Variants in ABHD6 observed in about 807,000 individuals in gnomAD.
ABHD6 encodes the protein monoacylglycerol lipase ABHD6.
Under a neutral mutation model 38.8 loss-of-function variants are expected in ABHD6, and 33 were observed. The ratio of observed to expected loss-of-function variants is 0.85; its 90% CI spans 0.64 to 1.14. ABHD6 has a LOEUF of 1.14. Ranked by LOEUF, ABHD6 falls within the 50% of genes most tolerant of loss-of-function variation. The probability of loss-of-function intolerance (pLI) is 0.00; values close to 1 mark genes in which losing one functional copy is unlikely to be tolerated. For missense variants in ABHD6, 380 were observed against 422.6 expected, an observed-to-expected ratio of 0.90 and a Z score of 0.88; for synonymous variants, 147 against 161.6, an observed-to-expected ratio of 0.91 and a Z score of 0.69.
At chr3:58,260,633 C>T (rs779675992) in intron 3 of ABHD6, among the ~76,000 whole-genome samples, 21 of 152,140 alleles carry the variant, frequency 1.4e-4, no homozygotes, top group Non-Finnish European at 2.2e-4. Context: ...CTCCAAAGGC[C>T]TTCATTTGCT....
At chr3:58,286,915 G>C in intron 9 of ABHD6, among the ~76,000 whole-genome samples, 1 of 126,014 alleles carries the variant, frequency 7.9e-6, no homozygotes, top group Non-Finnish European at 1.7e-5. Context: ...TTTTATATCA[G>C]CCCAAACAAA....
intron 9 of ABHD6, among the ~76,000 whole-genome samples, chr3:58,289,982 G>A (rs564584966): frequency 0.013 from 1,896 of 142,536 alleles, 48 homozygotes; most frequent in African/African-American, 0.049. Context: ...GCGGCTGGCC[G>A]GGCGGGGGGC....
chr3:58,282,606 C>T (rs978836259), intron 7 of ABHD6, among the ~76,000 whole-genome samples: 4 of 152,084 alleles, frequency 2.6e-5, no homozygotes, highest in East Asian at 1.9e-4. Flanking sequence ...TGTGGTGGTG[C>T]GTGCCTGTAG....
At chr3:58,288,654 T>C (rs552842448) in intron 9 of ABHD6, among the ~76,000 whole-genome samples, 3 of 152,322 alleles carry the variant, frequency 2.0e-5, no homozygotes, top group Admixed American at 6.5e-5. Context: ...CAGGCATTTA[T>C]TGAGCACCTA....
chr3:58,286,844 G>GTATATATATATATA (rs1553721712), intron 9 of ABHD6, among the ~76,000 whole-genome samples: 7 of 50,048 alleles, frequency 1.4e-4, no homozygotes, highest in East Asian at 1.2e-3. Flanking sequence ...GTGTGTGTGT[G>GTATATATATATATA]TGTGTGTGTA....
rs2097420981 is a variant in ABHD6 at position 58,238,981 on chromosome 3, C to T, written c.-91+1065C>T. ...TAAGCCCCTTAAAAGAATTACCTGC[C>T]ATACTTTCCCCAACAGCCCCTTGAG... is the stretch of plus-strand genomic sequence containing the variant. On this transcript the variant is annotated intron_variant, in intron 1 of 9. Coordinates refer to ENST00000478253, the MANE Select transcript of ABHD6 (RefSeq NM_001320126.2). This position sits in a 1 kb window ranked among gnomAD's most constrained non-coding sequence, Gnocchi z 6.9. Among the ~76,000 whole-genome samples the T allele has an allele frequency of 6.6e-6, 1 of 152,078 alleles. No individual in the cohort carries two copies. Among genetic ancestry groups the T allele is most frequent in the Non-Finnish European group, 1.5e-5 (1 of 68,014 alleles).
At chr3:58,283,497 G>A (rs1362118157) in intron 7 of ABHD6, among the ~76,000 whole-genome samples, 1 of 152,216 alleles carries the variant, frequency 6.6e-6, no homozygotes, top group Non-Finnish European at 1.5e-5. Flanking sequence ...CTTGCATGAA[G>A]TAGGTCCTAG....
Position 58,274,787 on chromosome 3 carries a change from C to A in ABHD6, c.653C>A (p.Ser218Tyr), listed in dbSNP as rs746300088. Residue 218 changes from serine to tyrosine, a missense_variant, in exon 7 of 10, where the codon TCC (serine) becomes TAC (tyrosine). Physicochemically the swap from Ser to Tyr is moderately radical, Grantham distance 144. Coordinates refer to ENST00000478253, the MANE Select transcript of ABHD6 (RefSeq NM_001320126.2). The stretch of plus-strand genomic sequence containing the variant: ...ATGAGTGAAATGCTTCAGCTCTGCT[C>A]CTATGTCCGCTTCAAGGTGCCCCAG... ...EEMSEMLQLCSYVRFKVPQQI... is the reference protein window; with the variant it reads ...EEMSEMLQLCYYVRFKVPQQI... 1.9e-6 allele frequency: 3 copies of A among 1,614,152 alleles called. No individual in the cohort carries two copies. In the Admixed American group the frequency reaches 5.0e-5, roughly 27 times the overall value.
chr3:58,276,584 A>C (rs955536687), intron 7 of ABHD6, among the ~76,000 whole-genome samples: 3 of 152,120 alleles, frequency 2.0e-5, no homozygotes, highest in African/African-American at 4.8e-5. Context: ...CTCTGATGGC[A>C]GTTTCTTTTG....
At chr3:58,289,768 G>T (rs1349273795) in intron 9 of ABHD6, among the ~76,000 whole-genome samples, 2 of 152,164 alleles carry the variant, frequency 1.3e-5, no homozygotes, top group Non-Finnish European at 2.9e-5. Context: ...CCCAGACGGG[G>T]TGGTGGCTGG....
In ABHD6 at chr3:58,285,539, T is replaced by C; in HGVS notation, c.837+86T>C. 1 of 1,193,394 alleles carries C rather than the reference T, an allele frequency of 8.4e-7. No homozygotes were observed. The highest frequency in any genetic ancestry group is 1.2e-6 in the Non-Finnish European group (1 of 803,108). 73.9% of individuals were successfully genotyped at this position (1,193,394 alleles called of 1,614,324 possible). ...CCTTGAGGAAGAACAAGTGGTTATT[T>C]ATGGAGTGAGCTGATCGCTGCTGTC... On this transcript the variant is annotated intron_variant, in intron 9 of 9. Transcript: ENST00000478253. The surrounding 1 kb of genome is among the most constrained non-coding windows in gnomAD (Gnocchi z 4.9).
At chr3:58,258,361 A>G (rs1167879099) in intron 3 of ABHD6, 1 of 442,882 alleles carries the variant, frequency 2.3e-6, no homozygotes, top group Admixed American at 2.5e-5. Context: ...GTGACATTAA[A>G]CAGTCTTATT....
chr3:58,278,659 C>T, intron 7 of ABHD6, among the ~76,000 whole-genome samples: 1 of 152,074 alleles, frequency 6.6e-6, no homozygotes, highest in Non-Finnish European at 1.5e-5. Flanking sequence ...AATGTGTTTG[C>T]CCTTGCTTCT....
At chr3:58,258,586 G>C in intron 3 of ABHD6, 2 of 276,878 alleles carry the variant, frequency 7.2e-6, no homozygotes, top group Non-Finnish European at 1.5e-5. Flanking sequence ...CCTGATGAAG[G>C]GAGCATCGAA....
rs2097433161 is a variant in ABHD6, at chr3:58,256,114, C to CAT, written c.-25-447_-25-446insTA. On this transcript the variant is annotated intron_variant, in intron 2 of 9. Transcript: ENST00000478253. The surrounding 1 kb of genome is among the most constrained non-coding windows in gnomAD (Gnocchi z 4.3). ...ACACACACACACACACACACATACA[C>CAT]ACACTACTTTTTCTCTCCTGAACCT... 6.6e-6 allele frequency among the ~76,000 whole-genome samples: 1 copy of CAT among 151,282 alleles called. No homozygotes were observed. Among genetic ancestry groups the CAT allele is most frequent in the African/African-American group, 2.4e-5 (1 of 41,152 alleles).
chr3:58,286,262 G>A (rs989543784), intron 9 of ABHD6, among the ~76,000 whole-genome samples: 1 of 151,838 alleles, frequency 6.6e-6, no homozygotes, highest in Non-Finnish European at 1.5e-5. Context: ...GTCATGATCT[G>A]CCGGCCTCAG....
rs74284384 is a variant in ABHD6, at chr3:58,247,402, T to C, written c.-90-2476T>C. Among the ~76,000 whole-genome samples the C allele has an allele frequency of 5.2e-3, 785 of 152,286 alleles. 37 individuals carry two copies. In the East Asian group the frequency reaches 0.1, roughly 20 times the overall value. ...GTCCAATATGATAACCACAAACTAG[T>C]GGCTGTTGAGCATTTGACTTGTGGC... On this transcript the variant is annotated intron_variant, in intron 1 of 9. Coordinates refer to ENST00000478253, the MANE Select transcript of ABHD6 (RefSeq NM_001320126.2).
Position 58,267,455 on chromosome 3 carries a change from A to G in ABHD6, c.276+110A>G. The G allele has an allele frequency of 2.8e-6, 4 of 1,408,446 alleles. No homozygotes were observed. The highest frequency in any genetic ancestry group is 3.9e-6 in the Non-Finnish European group (4 of 1,023,326). 87.2% of individuals were successfully genotyped at this position (1,408,446 alleles called of 1,614,324 possible). A position where few individuals can be genotyped will look rare whatever the true frequency, so the allele number is the denominator to read the frequency against. On this transcript the variant is annotated intron_variant, in intron 4 of 9. Coordinates refer to ENST00000478253, the MANE Select transcript of ABHD6 (RefSeq NM_001320126.2). This position sits in a 1 kb window ranked among gnomAD's most constrained non-coding sequence, Gnocchi z 4.3. Reference sequence around the variant, plus strand: ...TGAGGCAGGAGGATTGCTTGAGTCCAGGAGTTCAAAACCAGCCTGGACAAC... The same window carrying G: ...TGAGGCAGGAGGATTGCTTGAGTCCGGGAGTTCAAAACCAGCCTGGACAAC...
In ABHD6 at chr3:58,285,103, G is replaced by C. The variant is rs764279902; in HGVS notation, c.700G>C (p.Asp234His). Residue 234 changes from aspartate to histidine, a missense_variant, in exon 8 of 10, where the codon GAT becomes CAT. Asp to His is a moderately conservative substitution (Grantham distance 81). Coordinates refer to ENST00000478253, the MANE Select transcript of ABHD6 (RefSeq NM_001320126.2). The surrounding 1 kb of genome is among the most constrained non-coding windows in gnomAD (Gnocchi z 4.9). ...TCCTTAGATCCTGCAAGGCCTTGTC[G>C]ATGTCCGCATCCCTCATAACAACTT... ...VPQQILQGLV[D>H]VRIPHNNFYR... 3.1e-6 allele frequency: 5 copies of C among 1,614,160 alleles called. No individual in the cohort carries two copies. In the South Asian group the frequency reaches 5.5e-5, roughly 18 times the overall value.
Sources: allele counts gnomAD v4.1 joint callset (sites outside exome capture counted in the v4.1 genomes callset), GRCh38; gene constraint gnomAD v4.1.1; non-coding constraint Gnocchi (gnomAD v3.1); transcripts MANE v1.5; gene names NCBI Gene and HGNC (gene_info 2026-07-23, HGNC 2026-07-21).